The following RMDN2 variants were observed in gnomAD, a reference collection of about 807,000 sequenced individuals.
The protein encoded by RMDN2 is regulator of microtubule dynamics protein 2.
A neutral mutation model predicts 52.8 loss-of-function variants in RMDN2; 61 were observed. The ratio of observed to expected loss-of-function variants is 1.16; its 90% confidence interval spans 0.94 to 1.43. The LOEUF is 1.43. RMDN2 is among the 40% of genes most tolerant of loss of function. RMDN2 has a pLI of 0.00. For synonymous variants in RMDN2, 180 were observed against 153.1 expected, an observed-to-expected ratio of 1.18 and a Z score of -1.30; for missense variants, 592 against 475.3, an observed-to-expected ratio of 1.25 and a Z score of -2.28.
chr2:37,928,459 A>G (rs866693565), intron 1 of RMDN2, among the ~76,000 whole-genome samples: 1 of 152,242 alleles, frequency 6.6e-6, no homozygotes, highest in Non-Finnish European at 1.5e-5. Flanking sequence ...TTTCGGGTAT[A>G]CAACCTAATT....
At chr2:37,939,614 C>A (rs1161055974) in intron 2 of RMDN2, among the ~76,000 whole-genome samples, 9 of 152,150 alleles carry the variant, frequency 5.9e-5, no homozygotes, top group African/African-American at 2.2e-4. Flanking sequence ...GTGAGCTCTT[C>A]TTGTTGCATT....
intron 5 of RMDN2, among the ~76,000 whole-genome samples, chr2:37,983,389 C>A (rs910322321): frequency 2.6e-5 from 4 of 152,126 alleles, no homozygotes; most frequent in African/African-American, 9.7e-5. Flanking sequence ...CTTTGTTCAT[C>A]TTCTTTTACT....
downstream of RMDN2, among the ~76,000 whole-genome samples, chr2:38,019,760 C>A (rs1679199165): frequency 6.6e-6 from 1 of 151,944 alleles, no homozygotes; most frequent in African/African-American, 2.4e-5. Flanking sequence ...ATGGTGAAAT[C>A]CCATCTCTAC....
At chr2:37,943,566 ATAAAT>A (rs1667975219) in intron 2 of RMDN2, among the ~76,000 whole-genome samples, 1 of 152,204 alleles carries the variant, frequency 6.6e-6, no homozygotes, top group African/African-American at 2.4e-5. Flanking sequence ...TATGTCTAAA[ATAAAT>A]TCTTTTAAAA....
At position 37,962,899 on chromosome 2, in the gene RMDN2, A is replaced by G. The variant is rs537535470; in HGVS notation, c.453-11141A>G. Among the ~76,000 whole-genome samples the G allele has an allele frequency of 3.9e-5, 6 of 152,328 alleles. No homozygotes were observed. The South Asian group carries it at 1.2e-3, about 32-fold the overall frequency. On this transcript the variant is annotated intron_variant, in intron 2 of 10. Transcript: ENST00000354545. ...ATAGGAAAAGCGTAGCATCTGGGCT[A>G]GATAGCACAGTCTCTCATGGCACAG...
chr2:37,952,553 A>C (rs935168036), intron 2 of RMDN2: 2 of 363,536 alleles, frequency 5.5e-6, no homozygotes, highest in African/African-American at 2.1e-5. Context: ...AAAGTAATAC[A>C]TTCTTTGAGA....
chr2:37,981,419 C>G lies in RMDN2; in HGVS notation c.791+76C>G, dbSNP rs1204903488. The G allele has an allele frequency of 1.9e-5, 18 of 925,638 alleles. No individual in the cohort carries two copies. In the Middle Eastern group the frequency reaches 7.0e-4, roughly 36 times the overall value. The allele number at this position is 925,638 out of a possible 1,614,324, so 57.3% of individuals were successfully genotyped here. A position where few individuals can be genotyped will look rare whatever the true frequency, so the allele number is the denominator to read the frequency against. On this transcript the variant is annotated intron_variant, in intron 5 of 10. Transcript: ENST00000354545. ...TAAATTAAATGGATTTTTCAAAATA[C>G]TATTGACTCATACGTTTAATCTGTC...
At chr2:37,956,580 GGTTA>G (rs1352236325) in intron 2 of RMDN2, among the ~76,000 whole-genome samples, 15 of 151,420 alleles carry the variant, frequency 9.9e-5, no homozygotes, top group African/African-American at 3.6e-4. Flanking sequence ...CTAGCTTTGG[GGTTA>G]GTTCTTTGTC....
exon 11 of RMDN2, chr2:38,067,065 C>T: frequency 7.0e-7 from 1 of 1,426,026 alleles, no homozygotes; most frequent in Non-Finnish European, 9.9e-7. Context: ...CCTGGAGAGT[C>T]ATGACCTAGG....
At chr2:37,958,683 G>C (rs1669804905) in intron 2 of RMDN2, among the ~76,000 whole-genome samples, 1 of 150,856 alleles carries the variant, frequency 6.6e-6, no homozygotes, top group Non-Finnish European at 1.5e-5. Flanking sequence ...TGTTGAATGG[G>C]AGTGGTGAGA....
At chr2:37,928,628 C>T (rs921121815) in intron 1 of RMDN2, 6 of 152,248 alleles carry the variant, frequency 3.9e-5, no homozygotes, top group Admixed American at 3.9e-4. Context: ...AATCTCTGCT[C>T]ACATAATCTG....
intron 2 of RMDN2, among the ~76,000 whole-genome samples, chr2:37,941,838 G>T (rs1427496586): frequency 1.3e-5 from 2 of 152,058 alleles, no homozygotes; most frequent in African/African-American, 4.8e-5. Flanking sequence ...GCTCTGTAGG[G>T]GTGGGATCCG....
chr2:37,927,175 C>G (rs1416440487), intron 1 of RMDN2, among the ~76,000 whole-genome samples: 1 of 152,174 alleles, frequency 6.6e-6, no homozygotes, highest in African/African-American at 2.4e-5. Flanking sequence ...TTTTGTGGTT[C>G]TGAAATAATA....
chr2:38,005,331 G>A (rs2125198307), intron 10 of RMDN2, among the ~76,000 whole-genome samples: 1 of 152,290 alleles, frequency 6.6e-6, no homozygotes, highest in East Asian at 1.9e-4. Context: ...GTGTAAAAGT[G>A]TTCCTATTTC....
intron 10 of RMDN2, among the ~76,000 whole-genome samples, chr2:38,015,999 A>G (rs1306664438): frequency 6.6e-6 from 1 of 152,230 alleles, no homozygotes; most frequent in African/African-American, 2.4e-5. Flanking sequence ...TAAGAGGGCA[A>G]TTGCATAAAT....
intron 10 of RMDN2, among the ~76,000 whole-genome samples, chr2:38,042,718 C>A (rs183741986): frequency 2.2e-3 from 340 of 152,154 alleles, no homozygotes; most frequent in Non-Finnish European, 2.7e-3. Context: ...TCATTTAATC[C>A]AAAATATTTT....
chr2:38,033,929 A>G (rs902052402), intron 10 of RMDN2, among the ~76,000 whole-genome samples: 18 of 152,234 alleles, frequency 1.2e-4, no homozygotes, highest in African/African-American at 4.3e-4. Flanking sequence ...GTATTAATCA[A>G]CCAAGAACAC....
chr2:37,942,886 G>A (rs962137787), intron 2 of RMDN2, among the ~76,000 whole-genome samples: 2 of 152,192 alleles, frequency 1.3e-5, no homozygotes, highest in Non-Finnish European at 2.9e-5. Context: ...TAGCAAGATG[G>A]TAAAGAGTGA....
At chr2:38,057,791 C>T (rs922622900) in intron 10 of RMDN2, among the ~76,000 whole-genome samples, 1 of 152,082 alleles carries the variant, frequency 6.6e-6, no homozygotes, top group Non-Finnish European at 1.5e-5. Flanking sequence ...AGCACCTTCC[C>T]CCTCCCTCTT....
Sources: gnomAD v4.1 joint callset for allele counts (sites outside exome capture counted in the v4.1 genomes callset) on GRCh38, gnomAD v4.1.1 for gene constraint, MANE v1.5 for transcripts, NCBI Gene and HGNC (gene_info 2026-07-23, HGNC 2026-07-21) for gene names.